WNT9B: variants seen among roughly 807,000 people sequenced by gnomAD.
WNT9B encodes Wnt family member 9B, also known as protein Wnt-9b.
WNT9B carries 12 observed loss-of-function variants against 30.2 expected under a neutral mutation model. That is an observed-to-expected ratio of 0.40 (90% CI 0.26 to 0.64). The LOEUF (loss-of-function observed/expected upper bound fraction) is 0.64. WNT9B is among the 30% of genes least tolerant of loss of function. The pLI is 0.42. For missense variants in WNT9B, 442 were observed against 485.2 expected, an observed-to-expected ratio of 0.91 and a Z score of 0.84; for synonymous variants, 218 against 216.9, an observed-to-expected ratio of 1.01 and a Z score of -0.05.
chr17:46,842,654 T>C (rs979363681), intron 1 of WNT9B, among the ~76,000 whole-genome samples: 1 of 152,234 alleles, frequency 6.6e-6, no homozygotes, highest in Non-Finnish European at 1.5e-5. Flanking sequence ...ATTACAGGCA[T>C]GAGCCACCGT....
Position 46,876,349 on chromosome 17 carries a change from C to T in WNT9B, c.705C>T (p.Gly235=), listed in dbSNP as rs1277015457. The change falls in exon 4 of 4, where the codon GGC becomes GGT. Residue 235 remains glycine, a synonymous_variant. Transcript: ENST00000290015. The part of the protein sequence containing the change: ...WKQLSPFRET[G]QVLKLRYDSA... ...AGCTCTCCCCGTTCCGTGAGACGGG[C>T]CAGGTGCTGAAACTGCGCTATGACT... 2 of 1,614,020 alleles carry T rather than the reference C, an allele frequency of 1.2e-6. No homozygotes were observed. Among genetic ancestry groups the T allele is most frequent in the African/African-American group, 2.7e-5 (2 of 74,956 alleles).
At chr17:46,840,000 C>CT (rs1340396658) in intron 1 of WNT9B, among the ~76,000 whole-genome samples, 124 of 125,000 alleles carry the variant, frequency 9.9e-4, no homozygotes, top group African/African-American at 3.7e-3. Context: ...TTTTTTCTTT[C>CT]TTCTTTCTTT....
At chr17:46,841,490 T>A (rs2084712871) in intron 1 of WNT9B, among the ~76,000 whole-genome samples, 1 of 152,218 alleles carries the variant, frequency 6.6e-6, no homozygotes. Context: ...AAGAGGCCCG[T>A]CCCTGGTCCT....
downstream of WNT9B, among the ~76,000 whole-genome samples, chr17:46,881,092 C>T (rs1005589736): frequency 3.9e-5 from 6 of 152,256 alleles, no homozygotes; most frequent in African/African-American, 1.2e-4. Context: ...CACCAGGATC[C>T]TCCTGGGGGT....
At chr17:46,873,796 C>T (rs865932062) in intron 2 of WNT9B, among the ~76,000 whole-genome samples, 9 of 150,522 alleles carry the variant, frequency 6.0e-5, no homozygotes, top group Middle Eastern at 3.4e-3. Context: ...TTGTAACCAG[C>T]GTGGTCAAAA....
chr17:46,846,401 C>G (rs912289576), intron 1 of WNT9B, among the ~76,000 whole-genome samples: 3 of 152,306 alleles, frequency 2.0e-5, no homozygotes, highest in African/African-American at 4.8e-5. Flanking sequence ...AGAAAAGAAA[C>G]AGGGGACAGG....
intron 1 of WNT9B, among the ~76,000 whole-genome samples, chr17:46,838,813 G>A (rs191740137): frequency 1.7e-3 from 260 of 152,234 alleles, no homozygotes; most frequent in African/African-American, 6.1e-3. Context: ...ATAGAGGCCT[G>A]TGCACAGAGA....
downstream of WNT9B, among the ~76,000 whole-genome samples, chr17:46,883,837 C>G (rs2085456146): frequency 6.6e-6 from 1 of 152,190 alleles, no homozygotes; most frequent in Non-Finnish European, 1.5e-5. Flanking sequence ...CTGCATACCG[C>G]AAAGAGGAGG....
At chr17:46,881,646 G>C (rs1014010354), downstream of WNT9B, among the ~76,000 whole-genome samples, 1 of 152,034 alleles carries the variant, frequency 6.6e-6, no homozygotes, top group Non-Finnish European at 1.5e-5. Context: ...AAACAGGCCC[G>C]CAGACCCCTC....
At chr17:46,842,039 G>A (rs991803653) in intron 1 of WNT9B, among the ~76,000 whole-genome samples, 4 of 152,154 alleles carry the variant, frequency 2.6e-5, no homozygotes, top group African/African-American at 9.7e-5. Flanking sequence ...GCGGGGCCTG[G>A]GCTGGCCTGG....
intron 2 of WNT9B, among the ~76,000 whole-genome samples, chr17:46,873,394 C>T (rs2085288656): frequency 6.6e-6 from 1 of 152,088 alleles, no homozygotes; most frequent in Admixed American, 6.5e-5. Context: ...ACCCAGCTAC[C>T]CTCGGGAAGC....
chr17:46,876,564 G>T lies in WNT9B; in HGVS notation c.920G>T (p.Arg307Leu). Residue 307 changes from arginine to leucine, a missense_variant, in exon 4 of 4, where the codon CGG becomes CTG. Transcript: ENST00000290015. ...SPGTAGRVCS[R>L]EASCSSLCCG... ...GGCACAGCAGGTAGGGTGTGCTCCCGGGAGGCCAGCTGCAGCAGCCTGTGC... is the reference window on the plus strand; with the variant it reads ...GGCACAGCAGGTAGGGTGTGCTCCCTGGAGGCCAGCTGCAGCAGCCTGTGC... 6.2e-7 allele frequency: 1 copy of T among 1,613,638 alleles called. No individual in the cohort carries two copies.
intron 1 of WNT9B, among the ~76,000 whole-genome samples, chr17:46,844,577 CA>C (rs1245796818): frequency 6.6e-6 from 1 of 152,088 alleles, no homozygotes; most frequent in Non-Finnish European, 1.5e-5. Flanking sequence ...AAACTAACTG[CA>C]AAGGATTGCA....
chr17:46,855,280 C>G (rs964707395), intron 1 of WNT9B, among the ~76,000 whole-genome samples: 1 of 152,246 alleles, frequency 6.6e-6, no homozygotes, highest in African/African-American at 2.4e-5. Flanking sequence ...TTTAGACTCT[C>G]TTGGCTGTAG....
upstream of WNT9B, among the ~76,000 whole-genome samples, chr17:46,847,967 A>AGTGTGTGTGTGTGTGT (rs57125736): frequency 2.0e-4 from 30 of 149,700 alleles, no homozygotes; most frequent in African/African-American, 6.1e-4. Flanking sequence ...TGATTTCCAA[A>AGTGTGTGTGTGTGTGT]GTGTGTGTGT....
downstream of WNT9B, among the ~76,000 whole-genome samples, chr17:46,882,897 G>T (rs74832709): frequency 2.0e-4 from 31 of 152,184 alleles, no homozygotes; most frequent in East Asian, 5.8e-3. Context: ...CTCTGTGCAG[G>T]CTCCACCCCA....
intron 1 of WNT9B, among the ~76,000 whole-genome samples, chr17:46,837,975 C>T (rs1358390117): frequency 2.6e-5 from 4 of 152,140 alleles, no homozygotes; most frequent in Admixed American, 2.0e-4. Context: ...GCGTTTTCCA[C>T]GTGTACATCA....
At chr17:46,874,690 G>C (rs1339422215) in intron 2 of WNT9B, among the ~76,000 whole-genome samples, 1 of 152,164 alleles carries the variant, frequency 6.6e-6, no homozygotes, top group African/African-American at 2.4e-5. Context: ...TGATTCTCCT[G>C]CCTCAGCCTC....
downstream of WNT9B, among the ~76,000 whole-genome samples, chr17:46,884,557 A>G (rs2085466331): frequency 6.6e-6 from 1 of 152,196 alleles, no homozygotes; most frequent in Admixed American, 6.5e-5. Context: ...TGGTAAATGA[A>G]GTTGCTGCTC....
Sources: allele counts gnomAD v4.1 joint callset (sites outside exome capture counted in the v4.1 genomes callset), GRCh38; gene constraint gnomAD v4.1.1; transcripts MANE v1.5; gene names NCBI Gene and HGNC (gene_info 2026-07-23, HGNC 2026-07-21).